Variants in CDH8 observed in about 807,000 individuals in gnomAD.
CDH8 encodes cadherin 8.
Under a neutral mutation model 68.1 loss-of-function variants are expected in CDH8, and 17 were observed. The observed-to-expected ratio is 0.25, with a 90% CI of 0.17 to 0.37. CDH8 has a LOEUF of 0.37. Among genes scored for constraint, CDH8 ranks in the 10% least tolerant of loss-of-function variants. CDH8 has a pLI of 1.00. For synonymous variants in CDH8, 372 were observed against 365.1 expected (o/e 1.02, Z -0.21); for missense variants, 763 against 999.3 (o/e 0.76, Z 3.19).
At chr16:61,771,821 GT>G (rs1432780732) in intron 8 of CDH8, among the ~76,000 whole-genome samples, 4 of 151,962 alleles carry the variant, frequency 2.6e-5, no homozygotes, top group African/African-American at 9.7e-5. Flanking sequence ...GTCGAGGAAA[GT>G]TTTTCTTTCA....
At chr16:61,862,542 A>G (rs539731140) in intron 3 of CDH8, among the ~76,000 whole-genome samples, 19 of 152,286 alleles carry the variant, frequency 1.2e-4, no homozygotes, top group Admixed American at 1.2e-3. Context: ...TCTGAAAATG[A>G]AAAGGCAGCA....
intron 3 of CDH8, among the ~76,000 whole-genome samples, chr16:61,881,357 A>T (rs1182240434): frequency 6.6e-6 from 1 of 152,190 alleles, no homozygotes; most frequent in Non-Finnish European, 1.5e-5. Flanking sequence ...AAAAGTCAGA[A>T]ATGAGATGTT....
At chr16:61,712,452 T>C (rs1281578821) in intron 10 of CDH8, among the ~76,000 whole-genome samples, 1 of 151,706 alleles carries the variant, frequency 6.6e-6, no homozygotes, top group Non-Finnish European at 1.5e-5. Context: ...GTGCGTTTTA[T>C]ATGCAAAAAT....
At chr16:61,761,442 T>A (rs1193393825) in intron 8 of CDH8, among the ~76,000 whole-genome samples, 1 of 152,168 alleles carries the variant, frequency 6.6e-6, no homozygotes, top group African/African-American at 2.4e-5. Context: ...GCATTTTGTG[T>A]TTTTGGCTAT....
At chr16:61,672,778 G>A (rs16963798) in intron 10 of CDH8, among the ~76,000 whole-genome samples, 17,963 of 151,890 alleles carry the variant, frequency 0.12, 1,058 homozygotes, top group African/African-American at 0.12. Flanking sequence ...TAAAAGTAAG[G>A]TTCTTCAAGA....
At chr16:61,795,418 A>C (rs1961473511) in intron 7 of CDH8, among the ~76,000 whole-genome samples, 2 of 152,044 alleles carry the variant, frequency 1.3e-5, no homozygotes, top group African/African-American at 2.4e-5. Flanking sequence ...CACCTGGGGG[A>C]ATAACATTGA....
At chr16:61,844,599 T>A (rs1282509841) in intron 4 of CDH8, among the ~76,000 whole-genome samples, 1 of 152,180 alleles carries the variant, frequency 6.6e-6, no homozygotes, top group African/African-American at 2.4e-5. Flanking sequence ...ATTCCCATTT[T>A]TAAATGCACT....
chr16:62,018,262 G>A (rs1334149760), intron 2 of CDH8, among the ~76,000 whole-genome samples: 3 of 152,140 alleles, frequency 2.0e-5, no homozygotes, highest in African/African-American at 7.2e-5. Context: ...GATGCTGTAA[G>A]GTTATATGTG....
intron 10 of CDH8, among the ~76,000 whole-genome samples, chr16:61,705,495 C>T (rs1312539805): frequency 6.6e-6 from 1 of 152,170 alleles, no homozygotes; most frequent in Admixed American, 6.5e-5. Flanking sequence ...TTGGAAAGGG[C>T]TCACTGACAT....
At chr16:61,836,693 A>C (rs1359220038) in intron 4 of CDH8, among the ~76,000 whole-genome samples, 1 of 151,928 alleles carries the variant, frequency 6.6e-6, no homozygotes, top group East Asian at 1.9e-4. Flanking sequence ...ACATAGACTG[A>C]CGACTTGTCT....
chr16:61,748,823 T>C (rs1352653591), intron 8 of CDH8, among the ~76,000 whole-genome samples: 1 of 152,056 alleles, frequency 6.6e-6, no homozygotes, highest in East Asian at 1.9e-4. Flanking sequence ...ACCTCCTTCT[T>C]TGTGAATGCA....
At chr16:61,890,111 T>C (rs1963747573) in intron 3 of CDH8, among the ~76,000 whole-genome samples, 7 of 151,908 alleles carry the variant, frequency 4.6e-5, no homozygotes, top group Admixed American at 3.9e-4. Flanking sequence ...AACAGAAGAG[T>C]AGGGTGCAGT....
At chr16:62,028,813 T>C (rs1902257591) in intron 1 of CDH8, among the ~76,000 whole-genome samples, 1 of 152,078 alleles carries the variant, frequency 6.6e-6, no homozygotes, top group Non-Finnish European at 1.5e-5. Context: ...AGAAAGTCAT[T>C]TCTCGAGTCT....
At chr16:61,946,841 T>A (rs931907946) in intron 2 of CDH8, among the ~76,000 whole-genome samples, 2 of 152,222 alleles carry the variant, frequency 1.3e-5, no homozygotes, top group African/African-American at 4.8e-5. Flanking sequence ...GGACTCCTAA[T>A]AAATAATTCC....
chr16:61,976,273 T>G lies in CDH8; in HGVS notation c.252+44879A>C, dbSNP rs918409936. On this transcript the variant is annotated intron_variant, in intron 2 of 11. Transcript: ENST00000577390. The stretch of plus-strand genomic sequence containing the variant: ...CAAAGCAGAAATGAAAAACATTCTG[T>G]AAATGTTTCTGTAGTAACACATACA... 2.6e-5 allele frequency among the ~76,000 whole-genome samples: 4 copies of G among 152,348 alleles called. No individual in the cohort carries two copies. The South Asian group carries it at 8.3e-4, about 32-fold the overall frequency.
At chr16:61,997,803 A>C (rs990623164) in intron 2 of CDH8, among the ~76,000 whole-genome samples, 5 of 152,316 alleles carry the variant, frequency 3.3e-5, no homozygotes, top group Middle Eastern at 3.4e-3. Flanking sequence ...TCACAAGGGA[A>C]TATCAGATGC....
Position 61,748,725 on chromosome 16 carries a change from C to G in CDH8, c.1415-21510G>C, listed in dbSNP as rs527259697. ...AATGTAAACTTCCTTTCTCTATTTT[C>G]TTCTCCCAATGACCAATCCTGTCCT... On this transcript the variant is annotated intron_variant, in intron 8 of 11. Transcript: ENST00000577390. Among the ~76,000 whole-genome samples, 5 of 152,080 alleles carry G rather than the reference C, an allele frequency of 3.3e-5. No homozygotes were observed. The South Asian group carries it at 1.0e-3, about 31-fold the overall frequency.
chr16:61,783,478 G>C (rs1413233888), intron 8 of CDH8, among the ~76,000 whole-genome samples: 9 of 151,942 alleles, frequency 5.9e-5, no homozygotes, highest in Non-Finnish European at 1.2e-4. Context: ...ACCTGAAAGT[G>C]ATGGGGAGAA....
chr16:62,025,416 T>C (rs1296170622), intron 1 of CDH8, among the ~76,000 whole-genome samples: 2 of 152,110 alleles, frequency 1.3e-5, no homozygotes, highest in Non-Finnish European at 2.9e-5. Flanking sequence ...GGTCTAGCCA[T>C]ATACCACAGA....
Sources: gnomAD v4.1 joint callset for allele counts (sites outside exome capture counted in the v4.1 genomes callset) on GRCh38, gnomAD v4.1.1 for gene constraint, MANE v1.5 for transcripts, NCBI Gene and HGNC (gene_info 2026-07-23, HGNC 2026-07-21) for gene names.